XRRA1: variants seen among roughly 807,000 people sequenced by gnomAD.
The protein encoded by XRRA1 is X-ray radiation resistance-associated protein 1.
In XRRA1, 69 loss-of-function variants were observed where a neutral mutation model predicts 80.2. That is an observed-to-expected ratio of 0.86 (90% CI 0.71 to 1.05). The LOEUF (loss-of-function observed/expected upper bound fraction) is 1.05. XRRA1 is among the 50% of genes least tolerant of loss of function. The pLI is 0.00. For synonymous variants in XRRA1, 348 were observed against 389.9 expected (o/e 0.89, Z 1.27); for missense variants, 967 against 976.4 (o/e 0.99, Z 0.13).
Position 74,862,993 on chromosome 11 carries a change from A to G in XRRA1, c.1032T>C (p.Phe344=). ...AGTCAGTTCCTACCTCTGAGGTTGA[A>G]AATCCAGGGTAAGATGAAAACACAA... ...TEVVFSSYPG[F]STSETTKICS... Residue 344 remains phenylalanine, a synonymous_variant, in exon 11 of 19, where the codon TTT becomes TTC. Transcript: ENST00000684022. 1 of 1,604,336 alleles carries G rather than the reference A, an allele frequency of 6.2e-7. No individual in the cohort carries two copies. Among genetic ancestry groups the G allele is most frequent in the Non-Finnish European group, 8.5e-7 (1 of 1,175,324 alleles).
intron 10 of XRRA1, among the ~76,000 whole-genome samples, chr11:74,905,266 T>C (rs1436326080): frequency 3.3e-5 from 5 of 152,304 alleles, no homozygotes; most frequent in Admixed American, 6.5e-5. Context: ...GGCAGTGGCA[T>C]GATCATAGCT....
intron 10 of XRRA1, among the ~76,000 whole-genome samples, chr11:74,903,675 C>T (rs548239605): frequency 1.1e-4 from 16 of 152,098 alleles, no homozygotes; most frequent in Non-Finnish European, 2.1e-4. Context: ...TGCACTCCAG[C>T]CTGGGCAACA....
chr11:74,894,803 A>C (rs1431274250), intron 10 of XRRA1, among the ~76,000 whole-genome samples: 1 of 152,232 alleles, frequency 6.6e-6, no homozygotes, highest in African/African-American at 2.4e-5. Flanking sequence ...TTTCTCTTAA[A>C]AATGTCATCT....
chr11:74,874,420 C>G (rs2045616449), intron 10 of XRRA1, among the ~76,000 whole-genome samples: 2 of 151,938 alleles, frequency 1.3e-5, no homozygotes, highest in Non-Finnish European at 2.9e-5. Context: ...AAGGGAATGG[C>G]CCTGGGAGTT....
intron 15 of XRRA1, among the ~76,000 whole-genome samples, chr11:74,846,871 C>T (rs2038345706): frequency 6.6e-6 from 1 of 151,310 alleles, no homozygotes; most frequent in Non-Finnish European, 1.5e-5. Flanking sequence ...TTCTGTTCAT[C>T]ATTGTATTAA....
rs1192072270 is a variant in XRRA1, at chr11:74,906,978, G to C, written c.785+167C>G. On this transcript the variant is annotated intron_variant, in intron 9 of 18. Coordinates refer to ENST00000684022, the MANE Select transcript of XRRA1 (RefSeq NM_001378157.1). ...CTCACTCATGGCCATTTTTATGGAGGAGCCAAAGCTCAGAGGGGAGAAATG... is the reference window on the plus strand; with the variant it reads ...CTCACTCATGGCCATTTTTATGGAGCAGCCAAAGCTCAGAGGGGAGAAATG... The C allele has an allele frequency of 3.6e-6, 3 of 839,688 alleles. No homozygotes were observed. The East Asian group carries it at 7.8e-5, about 22-fold the overall frequency. 52.0% of individuals were successfully genotyped at this position (839,688 alleles called of 1,614,324 possible). A position where few individuals can be genotyped will look rare whatever the true frequency, so the allele number is the denominator to read the frequency against.
At chr11:74,941,736 T>C (rs1946374135) in intron 2 of XRRA1, among the ~76,000 whole-genome samples, 1 of 152,080 alleles carries the variant, frequency 6.6e-6, no homozygotes, top group Admixed American at 6.5e-5. Flanking sequence ...CAGTGGCAAC[T>C]GGGATTGCAG....
At chr11:74,939,194 A>G (rs1188581751) in intron 3 of XRRA1, among the ~76,000 whole-genome samples, 1 of 152,152 alleles carries the variant, frequency 6.6e-6, no homozygotes, top group Non-Finnish European at 1.5e-5. Context: ...TCTATAAAAA[A>G]TACAAAAATT....
intron 7 of XRRA1, among the ~76,000 whole-genome samples, chr11:74,925,062 G>A (rs540998903): frequency 2.6e-5 from 4 of 152,248 alleles, no homozygotes; most frequent in East Asian, 1.9e-4. Context: ...TGTAGGATCC[G>A]AATTTGCTTT....
At chr11:74,899,867 T>C (rs962496860) in intron 10 of XRRA1, among the ~76,000 whole-genome samples, 3 of 152,058 alleles carry the variant, frequency 2.0e-5, no homozygotes, top group African/African-American at 7.3e-5. Context: ...TTCGGAAAGA[T>C]AAAGGAGGAG....
chr11:74,890,159 C>G (rs774849203), intron 10 of XRRA1, among the ~76,000 whole-genome samples: 1 of 152,216 alleles, frequency 6.6e-6, no homozygotes, highest in East Asian at 1.9e-4. Context: ...AAGTAAAGCA[C>G]TCATCAGCAA....
chr11:74,905,168 G>A (rs1337430745), intron 10 of XRRA1, among the ~76,000 whole-genome samples: 1 of 152,038 alleles, frequency 6.6e-6, no homozygotes, highest in African/African-American at 2.4e-5. Flanking sequence ...GCCCCCAGTA[G>A]CCAGGACTAT....
rs576663730 is a variant in XRRA1 at position 74,904,808 on chromosome 11, G to A, written c.1003+1431C>T. Among the ~76,000 whole-genome samples the A allele has an allele frequency of 1.1e-3, 162 of 148,362 alleles. 1 individual carries two copies. In the South Asian group the frequency reaches 0.021, roughly 19 times the overall value. On this transcript the variant is annotated intron_variant, in intron 10 of 18. Coordinates refer to ENST00000684022, the MANE Select transcript of XRRA1 (RefSeq NM_001378157.1). ...AAACCAAAATTATTTATCTACCTGG[G>A]ATATTTTACAACGATTAAAATACAC...
chr11:74,875,043 T>C (rs1213162740), intron 10 of XRRA1, among the ~76,000 whole-genome samples: 1 of 152,212 alleles, frequency 6.6e-6, no homozygotes, highest in Non-Finnish European at 1.5e-5. Context: ...AGAATCCAAG[T>C]ATGCTTTCTT....
chr11:74,848,252 G>C lies in XRRA1; in HGVS notation c.1591C>G (p.Leu531Val). 1.2e-6 allele frequency: 2 copies of C among 1,613,976 alleles called. No individual in the cohort carries two copies. Among genetic ancestry groups the C allele is most frequent in the Non-Finnish European group, 1.7e-6 (2 of 1,179,864 alleles). ...GTGGAGTTGGAGCAGATGGGAGGCA[G>C]TGGCACGAAGGTCCGGCAAGACGGG... ...HSPSCRTFVP[L>V]PPICSNSTVH... is the part of the protein sequence containing the mutation. The change falls in exon 15 of 19, where the codon CTG becomes GTG. Residue 531 changes from leucine (L) to valine (V), a missense_variant. Leu to Val is a conservative substitution (Grantham distance 32). Coordinates refer to ENST00000684022, the MANE Select transcript of XRRA1 (RefSeq NM_001378157.1).
chr11:74,848,196 C>G lies in XRRA1; in HGVS notation c.1647G>C (p.Leu549=). The change falls in exon 15 of 19, where the codon CTG becomes CTC. Residue 549 remains leucine, a synonymous_variant. Transcript: ENST00000684022. ...GGCTGAGGCGGACAGTTGTGTCACT[C>G]AGGTGGGACAGGGTCTCTTCACTAT... ...TVHSEETLSH[L]SDTTVRLSPE... 3 of 1,613,858 alleles carry G rather than the reference C, an allele frequency of 1.9e-6. No individual in the cohort carries two copies.
chr11:74,866,949 T>C (rs950188690), intron 10 of XRRA1, among the ~76,000 whole-genome samples: 8 of 152,232 alleles, frequency 5.3e-5, no homozygotes, highest in African/African-American at 1.7e-4. Context: ...AACAGAAAAC[T>C]TTCCAAATCT....
chr11:74,887,021 G>T (rs2049197555), intron 10 of XRRA1, among the ~76,000 whole-genome samples: 1 of 152,198 alleles, frequency 6.6e-6, no homozygotes, highest in Non-Finnish European at 1.5e-5. Context: ...ATATGCAGAA[G>T]ATTGAAACTG....
chr11:74,895,184 A>C (rs1320521155), intron 10 of XRRA1, among the ~76,000 whole-genome samples: 2 of 152,252 alleles, frequency 1.3e-5, no homozygotes, highest in African/African-American at 4.8e-5. Context: ...ACAGTCTTAA[A>C]TCATCAATGC....
Sources: gnomAD v4.1 joint callset for allele counts (sites outside exome capture counted in the v4.1 genomes callset) on GRCh38, gnomAD v4.1.1 for gene constraint, MANE v1.5 for transcripts, NCBI Gene and HGNC (gene_info 2026-07-23, HGNC 2026-07-21) for gene names.